The following GALNTL6 variants were observed in gnomAD, a reference collection of about 807,000 sequenced individuals.
GALNTL6 encodes polypeptide N-acetylgalactosaminyltransferase-like 6.
Under a neutral mutation model 73.7 loss-of-function variants are expected in GALNTL6, and 46 were observed. That is an observed-to-expected ratio of 0.62 (90% CI 0.49 to 0.80). The LOEUF is 0.80. GALNTL6 is among the 30% of genes least tolerant of loss of function. The probability of loss-of-function intolerance (pLI) is 0.00; values close to 1 mark genes in which losing one functional copy is unlikely to be tolerated. For synonymous variants in GALNTL6, 259 were observed against 263.7 expected (o/e 0.98, Z 0.17); for missense variants, 604 against 755.0 (o/e 0.80, Z 2.34).
In GALNTL6 at chr4:172,510,775, G is replaced by A. The variant is rs577728927; in HGVS notation, c.553+162086G>A. On this transcript the variant is annotated intron_variant, in intron 5 of 12. Transcript: ENST00000506823. ...GCCTTGCATATGTTAAACTATCTCT[G>A]CATCCCTAGGATGAAACCCACTTGA... 1.3e-4 allele frequency among the ~76,000 whole-genome samples: 7 copies of A among 55,122 alleles called. 2 individuals carry two copies. Among genetic ancestry groups the A allele is most frequent in the African/African-American group, 3.2e-4 (7 of 22,192 alleles). The allele number at this position is 55,122 out of a possible 152,430, so 36.2% of individuals were successfully genotyped here.
chr4:172,636,789 G>T (rs1739707911), intron 5 of GALNTL6, among the ~76,000 whole-genome samples: 1 of 152,106 alleles, frequency 6.6e-6, no homozygotes, highest in East Asian at 1.9e-4. Flanking sequence ...GGTAAAAACT[G>T]CACTCATCTA....
intron 2 of GALNTL6, among the ~76,000 whole-genome samples, chr4:172,072,351 A>G (rs1273919670): frequency 6.6e-6 from 1 of 151,592 alleles, no homozygotes; most frequent in African/African-American, 2.4e-5. Context: ...GTTTTTTTCT[A>G]CTTATCTTTT....
At chr4:172,436,806 A>G (rs1041488519) in intron 5 of GALNTL6, among the ~76,000 whole-genome samples, 4 of 152,084 alleles carry the variant, frequency 2.6e-5, no homozygotes, top group Admixed American at 2.6e-4. Flanking sequence ...TATTTTCCTC[A>G]GGCTCCTCCT....
intron 5 of GALNTL6, among the ~76,000 whole-genome samples, chr4:172,572,508 A>G (rs1438665413): frequency 6.6e-6 from 1 of 152,126 alleles, no homozygotes; most frequent in Non-Finnish European, 1.5e-5. Flanking sequence ...AACCTCTGCT[A>G]TACACTCTCC....
At chr4:172,831,621 C>T (rs1054385464) in intron 7 of GALNTL6, among the ~76,000 whole-genome samples, 5 of 152,122 alleles carry the variant, frequency 3.3e-5, no homozygotes, top group African/African-American at 7.2e-5. Context: ...TGACAGGAAC[C>T]GGAACTGGAT....
chr4:172,660,889 G>A (rs997392416), intron 5 of GALNTL6, among the ~76,000 whole-genome samples: 1 of 152,168 alleles, frequency 6.6e-6, no homozygotes, highest in East Asian at 1.9e-4. Context: ...CCTAATAACA[G>A]TGTTAAATGA....
At chr4:171,851,562 A>T (rs970798074) in intron 2 of GALNTL6, among the ~76,000 whole-genome samples, 2 of 152,200 alleles carry the variant, frequency 1.3e-5, no homozygotes, top group African/African-American at 4.8e-5. Flanking sequence ...CTCTTAGGTT[A>T]CTGTGAGTGA....
At chr4:172,312,085 C>T (rs10015555) in intron 4 of GALNTL6, among the ~76,000 whole-genome samples, 1 of 152,104 alleles carries the variant, frequency 6.6e-6, no homozygotes, top group Non-Finnish European at 1.5e-5. Flanking sequence ...GTTATTAGAG[C>T]TACCAGAACT....
Position 172,358,883 on chromosome 4 carries a change from CAG to C in GALNTL6, c.553+10197_553+10198del, listed in dbSNP as rs1305667142. Among the ~76,000 whole-genome samples the C allele has an allele frequency of 1.5e-3, 119 of 81,478 alleles. 2 individuals are homozygous for C. The highest frequency in any genetic ancestry group is 2.5e-3 in the Admixed American group (19 of 7,698). 53.5% of individuals were successfully genotyped at this position (81,478 alleles called of 152,430 possible). A position where few individuals can be genotyped will look rare whatever the true frequency, so the allele number is the denominator to read the frequency against. ...AAAAAAAAAAAAAAAAAAAAAAAAA[CAG>C]AGGCTGGTGAGGTTCAGAGAAAAGA... On this transcript the variant is annotated intron_variant, in intron 5 of 12. Transcript: ENST00000506823.
intron 3 of GALNTL6, among the ~76,000 whole-genome samples, chr4:172,279,625 A>G (rs1341130607): frequency 6.6e-6 from 1 of 152,152 alleles, no homozygotes; most frequent in Non-Finnish European, 1.5e-5. Context: ...GTTGCTGGGA[A>G]TGTAAAATGG....
intron 2 of GALNTL6, among the ~76,000 whole-genome samples, chr4:172,122,517 T>G (rs1733179461): frequency 6.6e-6 from 1 of 152,186 alleles, no homozygotes; most frequent in Admixed American, 6.5e-5. Context: ...CTTATACAGC[T>G]TCAGTACAGA....
intron 2 of GALNTL6, among the ~76,000 whole-genome samples, chr4:171,881,453 T>C (rs931504380): frequency 6.6e-6 from 1 of 152,116 alleles, no homozygotes; most frequent in African/African-American, 2.4e-5. Flanking sequence ...CTCTCTCTTT[T>C]TCATGTTTTT....
chr4:171,970,614 G>A (rs1051758201), intron 2 of GALNTL6, among the ~76,000 whole-genome samples: 2 of 152,080 alleles, frequency 1.3e-5, no homozygotes, highest in African/African-American at 4.8e-5. Context: ...AATTGGATTA[G>A]CCCAATACTT....
At chr4:172,841,679 C>G (rs1025775967) in intron 7 of GALNTL6, among the ~76,000 whole-genome samples, 2 of 151,966 alleles carry the variant, frequency 1.3e-5, no homozygotes, top group East Asian at 1.9e-4. Context: ...TTTATAAAAC[C>G]GTTAGGTCTC....
At chr4:172,826,779 A>G (rs1259179935) in intron 7 of GALNTL6, among the ~76,000 whole-genome samples, 1 of 152,204 alleles carries the variant, frequency 6.6e-6, no homozygotes, top group African/African-American at 2.4e-5. Flanking sequence ...GATCTCACCA[A>G]TTAAATGTGT....
intron 2 of GALNTL6, among the ~76,000 whole-genome samples, chr4:172,179,328 AC>A (rs1490752582): frequency 1.3e-5 from 2 of 150,156 alleles, no homozygotes; most frequent in Non-Finnish European, 3.0e-5. Context: ...TTGTTTCCTG[AC>A]TTTTTAATGA....
At chr4:172,649,689 TAA>T (rs1299602196) in intron 5 of GALNTL6, among the ~76,000 whole-genome samples, 1 of 152,098 alleles carries the variant, frequency 6.6e-6, no homozygotes, top group African/African-American at 2.4e-5. Context: ...GTATATATAA[TAA>T]GTTAATTAAG....
chr4:172,912,204 G>C (rs1014980458), intron 8 of GALNTL6, among the ~76,000 whole-genome samples: 1 of 152,182 alleles, frequency 6.6e-6, no homozygotes, highest in Non-Finnish European at 1.5e-5. Flanking sequence ...TGAGCCTTCA[G>C]AGTGTATACA....
intron 2 of GALNTL6, among the ~76,000 whole-genome samples, chr4:171,858,004 G>T (rs933525592): frequency 1.3e-5 from 2 of 152,134 alleles, no homozygotes; most frequent in African/African-American, 2.4e-5. Flanking sequence ...GATATGGTTA[G>T]TGGAAAGTGT....
Sources: gnomAD v4.1 joint callset for allele counts (sites outside exome capture counted in the v4.1 genomes callset) on GRCh38, gnomAD v4.1.1 for gene constraint, MANE v1.5 for transcripts, NCBI Gene and HGNC (gene_info 2026-07-23, HGNC 2026-07-21) for gene names.